RBFOX1: variants seen among roughly 807,000 people sequenced by gnomAD.
RBFOX1 encodes the protein RNA binding fox-1 homolog 1.
A neutral mutation model predicts 57.7 loss-of-function variants in RBFOX1; 8 were observed. The observed-to-expected ratio is 0.14, with a 90% CI of 0.08 to 0.25. The LOEUF (loss-of-function observed/expected upper bound fraction) is 0.25. Among genes scored for constraint, RBFOX1 ranks in the 10% least tolerant of loss-of-function variants. RBFOX1 has a pLI of 1.00. For synonymous variants in RBFOX1, 326 were observed against 222.4 expected (o/e 1.47, Z -4.15); for missense variants, 611 against 548.5 (o/e 1.11, Z -1.14).
chr16:6,806,702 G>C (rs112806354), intron 3 of RBFOX1, among the ~76,000 whole-genome samples: 60 of 150,192 alleles, frequency 4.0e-4, no homozygotes, highest in African/African-American at 1.3e-3. Flanking sequence ...AGGTGATATT[G>C]TCTTACATGT....
At chr16:6,931,159 C>G (rs920431951) in intron 3 of RBFOX1, among the ~76,000 whole-genome samples, 2 of 151,724 alleles carry the variant, frequency 1.3e-5, no homozygotes, top group African/African-American at 2.4e-5. Context: ...ACACATTGAC[C>G]TTTCTTTACT....
intron 2 of RBFOX1, among the ~76,000 whole-genome samples, chr16:6,557,032 TACAC>T (rs879659323): frequency 0.057 from 7,995 of 139,300 alleles, 462 homozygotes; most frequent in African/African-American, 0.18. Flanking sequence ...TATACATATA[TACAC>T]ATATATATAC....
chr16:6,858,631 A>G (rs566801331), intron 3 of RBFOX1, among the ~76,000 whole-genome samples: 7 of 152,284 alleles, frequency 4.6e-5, no homozygotes, highest in African/African-American at 1.7e-4. Context: ...GATTTCATTT[A>G]GTTTATATGA....
intron 2 of RBFOX1, among the ~76,000 whole-genome samples, chr16:5,568,618 G>A (rs2046157461): frequency 6.6e-6 from 1 of 152,140 alleles, no homozygotes; most frequent in South Asian, 2.1e-4. Context: ...TCTGCAGTGG[G>A]CTGGCATAAT....
chr16:5,402,056 T>A (rs2066731445), intron 1 of RBFOX1, among the ~76,000 whole-genome samples: 1 of 152,034 alleles, frequency 6.6e-6, no homozygotes, highest in Admixed American at 6.6e-5. Context: ...TGCAGAAAAG[T>A]CCTAAGGCAT....
intron 1 of RBFOX1, among the ~76,000 whole-genome samples, chr16:5,334,123 G>T (rs1216906914): frequency 6.6e-6 from 1 of 152,182 alleles, no homozygotes; most frequent in Non-Finnish European, 1.5e-5. Context: ...CTTATCACAG[G>T]CTTGGAATGT....
At chr16:6,395,785 C>A (rs1036674397) in intron 2 of RBFOX1, among the ~76,000 whole-genome samples, 1 of 151,984 alleles carries the variant, frequency 6.6e-6, no homozygotes, top group Non-Finnish European at 1.5e-5. Flanking sequence ...AACATGAGGG[C>A]CTTGCACAGT....
In RBFOX1 at chr16:5,248,870, C is replaced by T. The variant is rs536130998; in HGVS notation, c.219+8765C>T. 8.6e-5 allele frequency among the ~76,000 whole-genome samples: 13 copies of T among 151,834 alleles called. No individual in the cohort carries two copies. The South Asian group carries it at 2.7e-3, about 32-fold the overall frequency. On this transcript the variant is annotated intron_variant, in intron 1 of 2. Coordinates refer to the RBFOX1 transcript ENST00000585867. ...TGGGCGATGTGTGGACACCTATAAT[C>T]CCAGCTACTCGGGAAGCTGAGCCAC...
At chr16:6,762,153 A>G (rs1030619067) in intron 3 of RBFOX1, among the ~76,000 whole-genome samples, 3 of 152,160 alleles carry the variant, frequency 2.0e-5, no homozygotes, top group Non-Finnish European at 2.9e-5. Context: ...TCTCCTCTGT[A>G]AAATGTAGTA....
intron 3 of RBFOX1, among the ~76,000 whole-genome samples, chr16:5,711,694 G>C (rs1325939687): frequency 6.6e-6 from 1 of 152,066 alleles, no homozygotes; most frequent in Non-Finnish European, 1.5e-5. Flanking sequence ...AGAATTTTTT[G>C]GTCTTTACTC....
At position 6,226,139 on chromosome 16, in the gene RBFOX1, C is replaced by T. The variant is rs545250214; in HGVS notation, c.-126-90856C>T. Among the ~76,000 whole-genome samples the T allele has an allele frequency of 6.0e-5, 9 of 149,030 alleles. No individual in the cohort carries two copies. The South Asian group carries it at 1.9e-3, about 32-fold the overall frequency. ...CTTTGGGAGGCCGAGGTGGGAGGAT[C>T]ACCTGAGGTCAGGAATTCGAGACCA... is the stretch of plus-strand genomic sequence containing the variant. On this transcript the variant is annotated intron_variant, in intron 1 of 15. Transcript: ENST00000550418.
chr16:6,562,725 C>T (rs1365000896), intron 2 of RBFOX1, among the ~76,000 whole-genome samples: 1 of 152,144 alleles, frequency 6.6e-6, no homozygotes, highest in Non-Finnish European at 1.5e-5. Flanking sequence ...CCCTTTAAAA[C>T]TCCTTGGAGG....
At chr16:6,941,253 C>T (rs1403558664) in intron 3 of RBFOX1, among the ~76,000 whole-genome samples, 1 of 139,892 alleles carries the variant, frequency 7.1e-6, no homozygotes, top group Admixed American at 7.4e-5. Context: ...CTCCCATTCC[C>T]TCCCTCCCAT....
chr16:6,690,773 T>TA (rs2060098739), intron 3 of RBFOX1, among the ~76,000 whole-genome samples: 30 of 150,890 alleles, frequency 2.0e-4, no homozygotes, highest in Non-Finnish European at 3.8e-4. Context: ...TTTTTTTTTT[T>TA]AACTTTAGAA....
chr16:7,592,348 TTG>T (rs1168118685), intron 7 of RBFOX1, among the ~76,000 whole-genome samples: 1 of 152,196 alleles, frequency 6.6e-6, no homozygotes, highest in African/African-American at 2.4e-5. Context: ...CTTTCCACCT[TTG>T]TCTTTCCTAA....
chr16:7,518,252 C>T lies in RBFOX1; in HGVS notation c.133C>T (p.His45Tyr), dbSNP rs866344386. ...TATCCCCGCGGAATACACGGCCCCT[C>T]ATCCCCACCCCGCGCCAGAGTACAC... ...NGIPAEYTAP[H>Y]PHPAPEYTGQ... Residue 45 changes from histidine (H) to tyrosine (Y), a missense_variant, in exon 5 of 16, where the codon CAT becomes TAT. Physicochemically the swap from His to Tyr is moderately conservative, Grantham distance 83. Coordinates refer to ENST00000550418, the MANE Select transcript of RBFOX1 (RefSeq NM_018723.4). 6.2e-7 allele frequency: 1 copy of T among 1,614,182 alleles called. No individual in the cohort carries two copies. The highest frequency in any genetic ancestry group is 8.5e-7 in the Non-Finnish European group (1 of 1,180,022).
At chr16:6,190,379 G>T (rs187590151) in intron 1 of RBFOX1, among the ~76,000 whole-genome samples, 2 of 152,268 alleles carry the variant, frequency 1.3e-5, no homozygotes, top group African/African-American at 4.8e-5. Context: ...GTAGTGTCAG[G>T]TATGTAGCAT....
intron 4 of RBFOX1, among the ~76,000 whole-genome samples, chr16:5,890,073 C>A (rs774382376): frequency 6.6e-6 from 1 of 152,146 alleles, no homozygotes; most frequent in African/African-American, 2.4e-5. Flanking sequence ...AGCTTCACCA[C>A]GAACAGACTG....
chr16:7,071,316 T>A (rs1314050936), intron 4 of RBFOX1, among the ~76,000 whole-genome samples: 1 of 152,128 alleles, frequency 6.6e-6, no homozygotes, highest in Non-Finnish European at 1.5e-5. Flanking sequence ...GGTAGGTATA[T>A]GTAATTATAA....
Sources: allele counts gnomAD v4.1 joint callset (sites outside exome capture counted in the v4.1 genomes callset), GRCh38; gene constraint gnomAD v4.1.1; transcripts MANE v1.5; gene names NCBI Gene and HGNC (gene_info 2026-07-23, HGNC 2026-07-21).